The following TOPAZ1 variants were observed in gnomAD, a reference collection of about 807,000 sequenced individuals.
TOPAZ1 encodes testis and ovary specific TOPAZ 1.
In TOPAZ1, 66 loss-of-function variants were observed where a neutral mutation model predicts 172.2. The ratio of observed to expected loss-of-function variants is 0.38; its 90% CI spans 0.31 to 0.47. The LOEUF (loss-of-function observed/expected upper bound fraction) is 0.47, where lower values mean the gene tolerates loss of function less well. Among genes scored for constraint, TOPAZ1 ranks in the 20% least tolerant of loss-of-function variants. The pLI, the probability that TOPAZ1 is intolerant of heterozygous loss-of-function variation, is 0.99. For synonymous variants in TOPAZ1, 681 were observed against 683.9 expected (o/e 1.00, Z 0.07); for missense variants, 1,822 against 1,972.4 (o/e 0.92, Z 1.44).
chr3:44,249,017 G>A (rs1699598368), intron 2 of TOPAZ1, among the ~76,000 whole-genome samples: 1 of 152,160 alleles, frequency 6.6e-6, no homozygotes, highest in Non-Finnish European at 1.5e-5. Flanking sequence ...TTGAACTGAT[G>A]TGCTTGGAAA....
intron 4 of TOPAZ1, among the ~76,000 whole-genome samples, chr3:44,260,224 C>T (rs558122078): frequency 1.3e-5 from 2 of 152,262 alleles, no homozygotes; most frequent in South Asian, 4.1e-4. Context: ...TTTATAGTAG[C>T]ATGAAAACGG....
chr3:44,318,998 T>C (rs1214774438), intron 16 of TOPAZ1, among the ~76,000 whole-genome samples: 1 of 151,932 alleles, frequency 6.6e-6, no homozygotes, highest in Non-Finnish European at 1.5e-5. Context: ...TTCCCCTCCA[T>C]GCCCAGGTCT....
At position 44,323,120 on chromosome 3, in the gene TOPAZ1, T is replaced by C; in HGVS notation, c.4500T>C (p.Leu1500=). Residue 1500 remains leucine (L), a synonymous_variant, in exon 18 of 20, where the codon CTT becomes CTC. Transcript: ENST00000309765. The part of the protein sequence containing the change: ...QETVEVSQYS[L]LFNKLLGSCI... ...CTGTGGAAGTCTCACAATATAGCCTTCTTTTTAATAAGCTTCTAGGTTCCT... is the reference window on the plus strand; with the variant it reads ...CTGTGGAAGTCTCACAATATAGCCTCCTTTTTAATAAGCTTCTAGGTTCCT... 6.5e-7 allele frequency: 1 copy of C among 1,543,458 alleles called. No individual in the cohort carries two copies. The highest frequency in any genetic ancestry group is 1.2e-5 in the South Asian group (1 of 81,732).
chr3:44,242,197 A>G lies in TOPAZ1; in HGVS notation c.144A>G (p.Gln48=), dbSNP rs1277725051. 1.6e-5 allele frequency: 25 copies of G among 1,544,214 alleles called. No individual in the cohort carries two copies. In the East Asian group the frequency reaches 5.6e-4, roughly 35 times the overall value. Reference sequence around the variant, plus strand: ...CCGGGGGGTGCCGGGAAAATAAGCAAAAGAGGAGAATGGTGGCCCGGGCCA... The same window carrying G: ...CCGGGGGGTGCCGGGAAAATAAGCAGAAGAGGAGAATGGTGGCCCGGGCCA... ...PEAGGCRENK[Q]KRRMVARATP... The change falls in exon 1 of 20, where the codon CAA becomes CAG. Residue 48 remains glutamine, a synonymous_variant. Transcript: ENST00000309765.
In TOPAZ1 at chr3:44,315,282, G is replaced by A. The variant is rs183718942; in HGVS notation, c.4306+5292G>A. ...AGCTCACACATGTGGACCAGCGCCT[G>A]TGACTACAGTACGAATATAAGCATA... On this transcript the variant is annotated intron_variant, in intron 16 of 19. Coordinates refer to ENST00000309765, the MANE Select transcript of TOPAZ1 (RefSeq NM_001145030.2). 2.6e-3 allele frequency among the ~76,000 whole-genome samples: 399 copies of A among 152,194 alleles called. 5 individuals are homozygous for A. Among genetic ancestry groups the A allele is most frequent in the African/African-American group, 9.3e-3 (386 of 41,494 alleles).
rs1457624748 is a variant in TOPAZ1, at chr3:44,245,185, G to A, written c.2679G>A (p.Gln893=). 6.4e-7 allele frequency: 1 copy of A among 1,551,844 alleles called. No individual in the cohort carries two copies. Among genetic ancestry groups the A allele is most frequent in the Non-Finnish European group, 8.7e-7 (1 of 1,147,036 alleles). ...SFTSEVPKIS[Q]EPNVAGEHQS... ...CTTCTGAGGTCCCAAAGATAAGCCA[G>A]GAGCCCAATGTTGCTGGAGAGCACC... The change falls in exon 2 of 20, where the codon CAG becomes CAA. Residue 893 remains glutamine, a synonymous_variant. Transcript: ENST00000309765.
intron 12 of TOPAZ1, among the ~76,000 whole-genome samples, chr3:44,303,712 T>C (rs964961512): frequency 6.6e-6 from 1 of 151,916 alleles, no homozygotes; most frequent in African/African-American, 2.4e-5. Context: ...GGATTTGGTA[T>C]TTTTTTTCTC....
chr3:44,275,723 G>A (rs1464232508), intron 8 of TOPAZ1, among the ~76,000 whole-genome samples: 3 of 151,876 alleles, frequency 2.0e-5, no homozygotes, highest in Non-Finnish European at 4.4e-5. Context: ...CCCAGTAGTG[G>A]GATTGCTAAA....
At chr3:44,269,335 C>A in intron 7 of TOPAZ1, 34 bp downstream of exon 7, 2 of 1,277,800 alleles carry the variant, frequency 1.6e-6, no homozygotes, top group Non-Finnish European at 2.2e-6. Flanking sequence ...AATAATCTGT[C>A]TCTTTCTCCT....
intron 12 of TOPAZ1, among the ~76,000 whole-genome samples, chr3:44,292,000 G>C (rs1004764033): frequency 6.6e-6 from 1 of 152,148 alleles, no homozygotes; most frequent in East Asian, 1.9e-4. Context: ...GTAGTCATTT[G>C]TTCAGTGTCT....
chr3:44,245,530 C>CTT (rs531158571), intron 2 of TOPAZ1, among the ~76,000 whole-genome samples: 1 of 83,004 alleles, frequency 1.2e-5, no homozygotes, highest in African/African-American at 5.2e-5. Flanking sequence ...CATAGAGTGG[C>CTT]TTTTTTTTTT....
chr3:44,306,345 C>T lies in TOPAZ1; in HGVS notation c.4059C>T (p.Asn1353=). The T allele has an allele frequency of 6.5e-7, 1 of 1,545,320 alleles. No individual in the cohort carries two copies. Among genetic ancestry groups the T allele is most frequent in the Non-Finnish European group, 8.8e-7 (1 of 1,142,378 alleles). ...FAETVSKDPQ[N]SKVDKGVLGR... ...TTTCAGTTAGCAAAGATCCACAAAA[C>T]AGTAAAGTAGATAAAGGTGTACTGG... is the stretch of plus-strand genomic sequence containing the variant. The change falls in exon 15 of 20, where the codon AAC becomes AAT. Residue 1353 remains asparagine (N), a synonymous_variant. Transcript: ENST00000309765.
chr3:44,324,578 T>G (rs1226559013), intron 18 of TOPAZ1, among the ~76,000 whole-genome samples: 2 of 152,146 alleles, frequency 1.3e-5, no homozygotes, highest in Admixed American at 6.5e-5. Context: ...ATATTTCTAT[T>G]TTTTAGTTGG....
chr3:44,267,883 C>CA (rs1312930386), intron 6 of TOPAZ1, among the ~76,000 whole-genome samples: 1 of 152,174 alleles, frequency 6.6e-6, no homozygotes, highest in African/African-American at 2.4e-5. Context: ...TATACTATAA[C>CA]AGCAAGCCCA....
intron 16 of TOPAZ1, among the ~76,000 whole-genome samples, chr3:44,314,575 T>C (rs1041117094): frequency 6.6e-6 from 1 of 152,016 alleles, no homozygotes; most frequent in Non-Finnish European, 1.5e-5. Flanking sequence ...TACTATTGTT[T>C]TCCTAGTTTT....
intron 12 of TOPAZ1, among the ~76,000 whole-genome samples, chr3:44,303,324 T>A (rs1700296996): frequency 6.6e-6 from 1 of 152,116 alleles, no homozygotes; most frequent in African/African-American, 2.4e-5. Flanking sequence ...TCCAGCTGCC[T>A]TTTTTTAAAT....
rs1305351751 is a variant in TOPAZ1, at chr3:44,267,162, C to T, written c.3160+26C>T. ...GTACTATTTGTTTTCTTAATGAAAT[C>T]CTGTTGGCTTTTGGTGATATAGAAA... is the stretch of plus-strand genomic sequence containing the variant. On this transcript the variant is annotated intron_variant, in intron 6 of 19. Coordinates refer to ENST00000309765, the MANE Select transcript of TOPAZ1 (RefSeq NM_001145030.2). 4 of 1,460,362 alleles carry T rather than the reference C, an allele frequency of 2.7e-6. No homozygotes were observed. In the African/African-American group the frequency reaches 4.3e-5, roughly 16 times the overall value. The allele number at this position is 1,460,362 out of a possible 1,614,324, so 90.5% of individuals were successfully genotyped here.
At position 44,282,023 on chromosome 3, in the gene TOPAZ1, A is replaced by G; in HGVS notation, c.3428A>G (p.Gln1143Arg). The change falls in exon 9 of 20, where the codon CAG becomes CGG. Residue 1143 changes from glutamine to arginine, a missense_variant. Physicochemically the swap from Gln to Arg is conservative, Grantham distance 43. Coordinates refer to ENST00000309765, the MANE Select transcript of TOPAZ1 (RefSeq NM_001145030.2). Reference sequence around the variant, plus strand: ...AATATCAATGAACTGTGTTTGCTACAGCGTGCAGGTATGAAACAATTAAAT... The same window carrying G: ...AATATCAATGAACTGTGTTTGCTACGGCGTGCAGGTATGAAACAATTAAAT... ...YININELCLL[Q>R]RAVNIFMEYY... 4 of 1,539,560 alleles carry G rather than the reference A, an allele frequency of 2.6e-6. No individual in the cohort carries two copies. Among genetic ancestry groups the G allele is most frequent in the Non-Finnish European group, 3.5e-6 (4 of 1,137,572 alleles).
At chr3:44,297,318 C>G (rs1014403476) in intron 12 of TOPAZ1, among the ~76,000 whole-genome samples, 4 of 151,964 alleles carry the variant, frequency 2.6e-5, no homozygotes, top group Non-Finnish European at 5.9e-5. Context: ...GGGTTTATTT[C>G]AAGAATGAAA....
Sources: allele counts gnomAD v4.1 joint callset (sites outside exome capture counted in the v4.1 genomes callset), GRCh38; gene constraint gnomAD v4.1.1; transcripts MANE v1.5; gene names NCBI Gene and HGNC (gene_info 2026-07-23, HGNC 2026-07-21).